Variants in KDR observed in about 807,000 individuals in gnomAD.
KDR encodes kinase insert domain receptor, also known as vascular endothelial growth factor receptor 2.
A neutral mutation model predicts 160.9 loss-of-function variants in KDR; 43 were observed. The observed-to-expected ratio is 0.27, with a 90% CI of 0.21 to 0.34. The LOEUF is 0.34. Among genes scored for constraint, KDR ranks in the 10% least tolerant of loss-of-function variants. The pLI, the probability that KDR is intolerant of heterozygous loss-of-function variation, is 1.00. For missense variants in KDR, 1,469 were observed against 1,666.4 expected (o/e 0.88, Z 2.06); for synonymous variants, 617 against 600.1 (o/e 1.03, Z -0.41).
intron 27 of KDR, among the ~76,000 whole-genome samples, chr4:55,084,976 A>C (rs1319932312): frequency 6.6e-6 from 1 of 152,204 alleles, no homozygotes; most frequent in African/African-American, 2.4e-5. Context: ...GGCTGCCCCA[A>C]GCATCAATCT....
At position 55,092,680 on chromosome 4, in the gene KDR, C is replaced by G. The variant is rs1041785569; in HGVS notation, c.3006G>C (p.Leu1002Phe). ...PEDLYKDFLT[L>F]EHLICYSFQV... The stretch of plus-strand genomic sequence containing the variant: ...GGAAGCTGTAACAGATGAGATGCTC[C>G]AAGGTCAGGAAGTCCTTATACAGAT... Residue 1002 changes from leucine to phenylalanine, a missense_variant, in exon 22 of 30, where the codon TTG (leucine) becomes TTC (phenylalanine). Leu to Phe is a conservative substitution (Grantham distance 22). This residue lies in a region of KDR where 151 missense variants were observed against 207.2 expected (regional missense o/e 0.73). Transcript: ENST00000263923. The G allele has an allele frequency of 5.0e-6, 8 of 1,613,890 alleles. No homozygotes were observed. The highest frequency in any genetic ancestry group is 5.9e-6 in the Non-Finnish European group (7 of 1,179,834).
intron 7 of KDR, 114 bp downstream of exon 7, chr4:55,113,190 A>G (rs1441162340): frequency 8.2e-7 from 1 of 1,214,722 alleles, no homozygotes. Context: ...CCCTAACAAG[A>G]AAAACTAGAA....
intron 13 of KDR, 60 bp downstream of exon 13, chr4:55,104,583 T>C: frequency 7.8e-7 from 1 of 1,285,042 alleles, no homozygotes; most frequent in African/African-American, 1.5e-5. Flanking sequence ...GCACCTGAAT[T>C]GCACTACATT....
Position 55,104,931 on chromosome 4 carries a change from C to A in KDR, c.1699G>T (p.Val567Leu). ...PDMQPTEQESVSLWCTADRST... is the reference protein window; with the variant it reads ...PDMQPTEQESLSLWCTADRST... ...CTGTCTGCAGTGCACCACAAAGACA[C>A]GCTCTCCTGCTCAGTGGGCTGCATG... is the stretch of plus-strand genomic sequence containing the variant. Residue 567 changes from valine (V) to leucine (L), a missense_variant, in exon 13 of 30, where the codon GTG becomes TTG. Coordinates refer to ENST00000263923, the MANE Select transcript of KDR (RefSeq NM_002253.4). The A allele has an allele frequency of 1.9e-6, 3 of 1,613,812 alleles. No homozygotes were observed. The highest frequency in any genetic ancestry group is 8.5e-7 in the Non-Finnish European group (1 of 1,179,788).
At chr4:55,101,715 TTCAGC>T (rs1720312818) in intron 15 of KDR, among the ~76,000 whole-genome samples, 177 bp downstream of exon 15, 3 of 152,190 alleles carry the variant, frequency 2.0e-5, no homozygotes, top group Admixed American at 2.0e-4. Context: ...GTTCACATTG[TTCAGC>T]TCCCACTTAT....
chr4:55,088,886 C>A lies in KDR; in HGVS notation c.3492G>T (p.Leu1164Phe), dbSNP rs747565731. ...SELVEHLGNL[L>F]QANAQQDGKD... is the part of the protein sequence containing the mutation. ...GACAAACCTGCTGAGCATTAGCTTGCAAGAGATTTCCCAAATGTTCCACCA... is the reference window on the plus strand; with the variant it reads ...GACAAACCTGCTGAGCATTAGCTTGAAAGAGATTTCCCAAATGTTCCACCA... Residue 1164 changes from leucine to phenylalanine, a missense_variant, in exon 26 of 30, where the codon TTG becomes TTT. By Grantham distance (22) the Leu-to-Phe change is conservative. Around this residue, in one of 7 missense-constraint regions of KDR, gnomAD observed 132 missense variants for 195.9 expected, o/e 0.67. Coordinates refer to ENST00000263923, the MANE Select transcript of KDR (RefSeq NM_002253.4). The A allele has an allele frequency of 1.2e-6, 2 of 1,613,850 alleles. No individual in the cohort carries two copies. Among genetic ancestry groups the A allele is most frequent in the Non-Finnish European group, 1.7e-6 (2 of 1,179,760 alleles).
intron 16 of KDR, 23 bp downstream of exon 16, chr4:55,098,674 C>T (rs1301083326): frequency 9.7e-6 from 15 of 1,550,368 alleles, no homozygotes; most frequent in Admixed American, 1.7e-5. Context: ...TGTGCATGGG[C>T]AGAAGGGAAA....
intron 17 of KDR, among the ~76,000 whole-genome samples, 163 bp downstream of exon 17, chr4:55,097,974 A>C (rs1459499899): frequency 6.6e-6 from 1 of 151,870 alleles, no homozygotes; most frequent in East Asian, 1.9e-4. Flanking sequence ...TAGGGACCCT[A>C]CCTCTAAGTG....
In KDR at chr4:55,097,991, T is replaced by A. The variant is rs1055706429; in HGVS notation, c.2509+146A>T. 413 of 1,128,308 alleles carry A rather than the reference T, an allele frequency of 3.7e-4. 2 individuals carry two copies. Among genetic ancestry groups the A allele is most frequent in the Non-Finnish European group, 5.0e-5 (38 of 767,478 alleles). The allele number at this position is 1,128,308 out of a possible 1,614,324, so 69.9% of individuals were successfully genotyped here. ...GGGACCCTACCTCTAAGTGGCTATA[T>A]GAATGATTATACAAATTCAAGAAAT... On this transcript the variant is annotated intron_variant, in intron 17 of 29. Coordinates refer to ENST00000263923, the MANE Select transcript of KDR (RefSeq NM_002253.4).
chr4:55,096,457 T>G, intron 18 of KDR, 115 bp from the exon 19 acceptor site: 5 of 718,600 alleles, frequency 7.0e-6, no homozygotes, highest in Non-Finnish European at 1.3e-5. Flanking sequence ...AACACAGCTG[T>G]GACCTAGTTT....
intron 18 of KDR, 131 bp downstream of exon 18, chr4:55,097,531 G>A (rs1720192800): frequency 3.0e-6 from 2 of 669,182 alleles, no homozygotes; most frequent in Admixed American, 2.2e-5. Context: ...TTGCACAAGG[G>A]CATTATTTAG....
chr4:55,104,038 G>C (rs10016064), intron 13 of KDR, among the ~76,000 whole-genome samples: 32,692 of 152,160 alleles, frequency 0.21, 3,968 homozygotes, highest in East Asian at 0.47. Flanking sequence ...GATCATGTGG[G>C]ATGACCCAGA....
chr4:55,106,615 G>A, intron 11 of KDR, 72 bp downstream of exon 11: 2 of 1,080,642 alleles, frequency 1.9e-6, no homozygotes, highest in Non-Finnish European at 2.9e-6. Context: ...TCTCCAATAT[G>A]CCTCACATAT....
Position 55,098,998 on chromosome 4 carries a change from T to G in KDR, c.2267-195A>C, listed in dbSNP as rs12504497. Among the ~76,000 whole-genome samples, 1,141 of 138,052 alleles carry G rather than the reference T, an allele frequency of 8.3e-3. 16 individuals are homozygous for G. Among genetic ancestry groups the G allele is most frequent in the Middle Eastern group, 0.033 (9 of 276 alleles). 90.6% of individuals were successfully genotyped at this position (138,052 alleles called of 152,430 possible). ...TTTGAATTTAATTTATTTATTTATT[T>G]ATTTATTTATTTATTTATTTATTTA... On this transcript the variant is annotated intron_variant, in intron 15 of 29. Transcript: ENST00000263923.
intron 20 of KDR, 149 bp downstream of exon 20, chr4:55,095,428 T>C: frequency 1.5e-6 from 1 of 678,680 alleles, no homozygotes; most frequent in South Asian, 1.6e-5. Context: ...CCCCAGAAGG[T>C]AAAAGAGGAA....
rs777739723 is a variant in KDR, at chr4:55,114,164, C to A, written c.760G>T (p.Val254Leu). 1 of 1,613,926 alleles carries A rather than the reference C, an allele frequency of 6.2e-7. No homozygotes were observed. Among genetic ancestry groups the A allele is most frequent in the Non-Finnish European group, 8.5e-7 (1 of 1,179,930 alleles). The change falls in exon 6 of 30, where the codon GTG becomes TTG. Residue 254 changes from valine (V) to leucine (L), a missense_variant. Around this residue, in one of 7 missense-constraint regions of KDR, gnomAD observed 792 missense variants for 840.9 expected, o/e 0.94. Coordinates refer to ENST00000263923, the MANE Select transcript of KDR (RefSeq NM_002253.4). The part of the protein sequence containing the change: ...LNCTARTELN[V>L]GIDFNWEYPS... ...TATTCCCAGTTGAAGTCAATCCCCACATTTAGTTCAGTTCTTGCTGTACAA... is the reference window on the plus strand; with the variant it reads ...TATTCCCAGTTGAAGTCAATCCCCAAATTTAGTTCAGTTCTTGCTGTACAA...
rs1719968837 is a variant in KDR at position 55,090,045 on chromosome 4, G to T, written c.3103C>A (p.Leu1035Ile). The change falls in exon 23 of 30, where the codon CTC becomes ATC. Residue 1035 changes from leucine (L) to isoleucine (I), a missense_variant. Leu to Ile is a conservative substitution (Grantham distance 5). Coordinates refer to ENST00000263923, the MANE Select transcript of KDR (RefSeq NM_002253.4). ...TTAACCACGTTCTTCTCCGATAAGA[G>T]GATATTTCGTGCCGCCAGGTCCCTG... ...IHRDLAARNI[L>I]LSEKNVVKIC... is the part of the protein sequence containing the mutation. The T allele has an allele frequency of 2.5e-6, 4 of 1,614,020 alleles. No homozygotes were observed. The highest frequency in any genetic ancestry group is 3.4e-6 in the Non-Finnish European group (4 of 1,179,930).
chr4:55,100,496 T>C (rs1720282801), intron 15 of KDR, among the ~76,000 whole-genome samples: 1 of 152,178 alleles, frequency 6.6e-6, no homozygotes, highest in Non-Finnish European at 1.5e-5. Context: ...CTATAATCTC[T>C]GTGCCAGTGT....
chr4:55,105,874 T>C lies in KDR; in HGVS notation c.1603A>G (p.Lys535Glu). ...ATCACCCTCTCTCCTCTCCCGACTT[T>C]GTTGACCGCTTCACATTTGTACAAA... ...SALYKCEAVN[K>E]VGRGERVISF... is the part of the protein sequence containing the mutation. Residue 535 changes from lysine to glutamate, a missense_variant, in exon 12 of 30, where the codon AAA (lysine) becomes GAA (glutamate). By Grantham distance (56) the Lys-to-Glu change is moderately conservative (BLOSUM62 1). Transcript: ENST00000263923. 1.2e-6 allele frequency: 2 copies of C among 1,613,620 alleles called. No homozygotes were observed. Among genetic ancestry groups the C allele is most frequent in the Non-Finnish European group, 1.7e-6 (2 of 1,179,584 alleles).
Sources: gnomAD v4.1 joint callset for allele counts (sites outside exome capture counted in the v4.1 genomes callset) on GRCh38, gnomAD v4.1.1 for gene constraint, gnomAD v4.1.1 regional missense constraint, MANE v1.5 for transcripts, NCBI Gene and HGNC (gene_info 2026-07-23, HGNC 2026-07-21) for gene names.